Variants in TYW1B observed in about 807,000 individuals in gnomAD.
TYW1B encodes tRNA-yW synthesizing protein 1 homolog B.
A neutral mutation model predicts 86.9 loss-of-function variants in TYW1B; 73 were observed. The observed-to-expected ratio is 0.84, with a 90% CI of 0.70 to 1.02. The LOEUF (loss-of-function observed/expected upper bound fraction) is 1.02. Among genes scored for constraint, TYW1B ranks in the 50% least tolerant of loss-of-function variants. The pLI is 0.00. For synonymous variants in TYW1B, 248 were observed against 292.8 expected (o/e 0.85, Z 1.56); for missense variants, 637 against 827.4 (o/e 0.77, Z 2.82).
chr7:72,722,744 T>C (rs1585930463), intron 9 of TYW1B: 3 of 291,016 alleles, frequency 1.0e-5, no homozygotes, highest in Non-Finnish European at 1.9e-5. Flanking sequence ...TAAGCAACAA[T>C]CCCCACAGCC....
intron 7 of TYW1B, among the ~76,000 whole-genome samples, chr7:72,747,096 T>G (rs1787408773): frequency 6.6e-6 from 1 of 152,172 alleles, no homozygotes; most frequent in African/African-American, 2.4e-5. Flanking sequence ...AATTTCAACA[T>G]GGAACTTGAT....
At chr7:72,724,776 G>A (rs1168067976) in intron 9 of TYW1B, among the ~76,000 whole-genome samples, 1 of 152,092 alleles carries the variant, frequency 6.6e-6, no homozygotes, top group Non-Finnish European at 1.5e-5. Context: ...GAATTACCAG[G>A]GTAAAATAGA....
In TYW1B at chr7:72,632,388, G is replaced by GTATATATATATAATATATATACACA. The variant is rs1812538163; in HGVS notation, c.1507-3392_1507-3391insTGTGTATATATATTATATATATATA. On this transcript the variant is annotated intron_variant, in intron 11 of 13. Transcript: ENST00000620995. ...ATACGCATATATATTATATATATACGTATATATATATAATATATATATACA... is the reference window on the plus strand; with the variant it reads ...ATACGCATATATATTATATATATACGTATATATATATAATATATATACACATATATATATATAATATATATATACA... Among the ~76,000 whole-genome samples the GTATATATATATAATATATATACACA allele has an allele frequency of 2.8e-5, 2 of 70,328 alleles. 1 individual carries two copies. Among genetic ancestry groups the GTATATATATATAATATATATACACA allele is most frequent in the Non-Finnish European group, 4.8e-5 (2 of 41,846 alleles). 46.1% of individuals were successfully genotyped at this position (70,328 alleles called of 152,430 possible).
At chr7:72,608,399 G>A (rs1554435262) in intron 13 of TYW1B, among the ~76,000 whole-genome samples, 1 of 152,154 alleles carries the variant, frequency 6.6e-6, no homozygotes, top group Non-Finnish European at 1.5e-5. Context: ...TCTAAGCAAG[G>A]GAGGGAAAAG....
intron 11 of TYW1B, among the ~76,000 whole-genome samples, chr7:72,685,833 G>T (rs782760843): frequency 6.6e-6 from 1 of 152,106 alleles, no homozygotes; most frequent in Non-Finnish European, 1.5e-5. Flanking sequence ...CTCTGCAGAA[G>T]ACACTGCCAA....
intron 11 of TYW1B, among the ~76,000 whole-genome samples, chr7:72,661,858 T>G (rs1452459345): frequency 6.6e-6 from 1 of 151,986 alleles, no homozygotes; most frequent in Non-Finnish European, 1.5e-5. Context: ...TTTCCTGATC[T>G]GAGAATGACA....
intron 11 of TYW1B, among the ~76,000 whole-genome samples, chr7:72,666,187 G>C (rs546853718): frequency 2.8e-4 from 43 of 152,246 alleles, no homozygotes; most frequent in Non-Finnish European, 5.4e-4. Context: ...GTCCAGGTGG[G>C]CAGATTGCTT....
intron 11 of TYW1B, among the ~76,000 whole-genome samples, chr7:72,680,866 T>G (rs1355898745): frequency 6.6e-6 from 1 of 152,226 alleles, no homozygotes; most frequent in African/African-American, 2.4e-5. Flanking sequence ...AATATTTATT[T>G]CTTAAGCTAG....
chr7:72,801,007 G>A (rs1284064122), intron 6 of TYW1B, among the ~76,000 whole-genome samples: 2 of 152,098 alleles, frequency 1.3e-5, no homozygotes, highest in Non-Finnish European at 2.9e-5. Flanking sequence ...GTTTTCCAAC[G>A]TAGGTTTAAG....
At chr7:72,665,197 AAGAAAGAAGATGTGCCCTTCT>A (rs1209169897) in intron 11 of TYW1B, among the ~76,000 whole-genome samples, 1 of 152,220 alleles carries the variant, frequency 6.6e-6, no homozygotes, top group African/African-American at 2.4e-5. Flanking sequence ...ATAATTTTAA[AAGAAAGAAGATGTGCCCTTCT>A]TGTACACATC....
chr7:72,704,902 C>A (rs1814576757), intron 10 of TYW1B, among the ~76,000 whole-genome samples: 1 of 152,104 alleles, frequency 6.6e-6, no homozygotes, highest in Non-Finnish European at 1.5e-5. Flanking sequence ...CTCTCTCTCT[C>A]TTTAGCCCAT....
intron 6 of TYW1B, among the ~76,000 whole-genome samples, chr7:72,790,141 G>A (rs1228170988): frequency 4.6e-5 from 7 of 150,950 alleles, no homozygotes; most frequent in South Asian, 2.1e-4. Context: ...TAGTAGAAAC[G>A]GGGTTTCACC....
rs782044108 is a variant in TYW1B at position 72,802,493 on chromosome 7, T to G, written c.753A>C (p.Glu251Asp). 69 of 1,613,922 alleles carry G rather than the reference T, an allele frequency of 4.3e-5. No homozygotes were observed. In the Admixed American group the frequency reaches 1.2e-3, roughly 27 times the overall value. The change falls in exon 6 of 14, where the codon GAA becomes GAC. Residue 251 changes from glutamate (E) to aspartate (D), a missense_variant. Glu to Asp is a conservative substitution (Grantham distance 45). Transcript: ENST00000620995. ...GATGGTCCTCACCACCAAACTCTTC[T>G]TCACTGGAGCTCTCGAAGGGTTCTT... ...KEEEPFESSS[E>D]EEFGGEDHQS...
chr7:72,820,963 C>T (rs750021598), intron 2 of TYW1B, among the ~76,000 whole-genome samples: 1 of 152,080 alleles, frequency 6.6e-6, no homozygotes. Flanking sequence ...AGAATTCGCA[C>T]ACTTAGATTT....
intron 8 of TYW1B, among the ~76,000 whole-genome samples, chr7:72,735,449 G>A (rs548023903): frequency 5.9e-5 from 9 of 151,970 alleles, no homozygotes; most frequent in East Asian, 1.9e-4. Flanking sequence ...GCACGAGCCT[G>A]TAATCCCACT....
chr7:72,704,923 A>G (rs1461307771), intron 10 of TYW1B, among the ~76,000 whole-genome samples: 1 of 152,110 alleles, frequency 6.6e-6, no homozygotes, highest in South Asian at 2.1e-4. Context: ...CCAGACATGC[A>G]TGTTTCAGAG....
chr7:72,618,769 G>A (rs782243693), intron 12 of TYW1B, among the ~76,000 whole-genome samples: 28 of 152,166 alleles, frequency 1.8e-4, no homozygotes, highest in Admixed American at 1.1e-3. Context: ...AACGGAGTTG[G>A]AGCTGAAACT....
intron 8 of TYW1B, among the ~76,000 whole-genome samples, chr7:72,738,568 C>T (rs1368865214): frequency 6.6e-6 from 1 of 152,138 alleles, no homozygotes; most frequent in African/African-American, 2.4e-5. Flanking sequence ...AGCCTCTACC[C>T]ACCAGATACC....
intron 2 of TYW1B, among the ~76,000 whole-genome samples, chr7:72,818,485 G>A (rs1481033720): frequency 6.7e-6 from 1 of 148,272 alleles, no homozygotes; most frequent in East Asian, 2.0e-4. Flanking sequence ...AGGCTGAGGT[G>A]GAAGGATCGC....
Sources: gnomAD v4.1 joint callset for allele counts (sites outside exome capture counted in the v4.1 genomes callset) on GRCh38, gnomAD v4.1.1 for gene constraint, MANE v1.5 for transcripts, NCBI Gene and HGNC (gene_info 2026-07-23, HGNC 2026-07-21) for gene names.